LINGO2: variants seen among roughly 807,000 people sequenced by gnomAD.
The protein encoded by LINGO2 is leucine-rich repeat and immunoglobulin-like domain-containing nogo receptor-interacting protein 2.
A neutral mutation model predicts 30.6 loss-of-function variants in LINGO2; 14 were observed. The observed-to-expected ratio is 0.46, with a 90% confidence interval of 0.30 to 0.72. The LOEUF is 0.72. Among genes scored for constraint, LINGO2 ranks in the 30% least tolerant of loss-of-function variants. The pLI, the probability that LINGO2 is intolerant of heterozygous loss-of-function variation, is 0.07. For synonymous variants in LINGO2, 317 were observed against 288.5 expected (o/e 1.10, Z -1.00); for missense variants, 729 against 751.7 (o/e 0.97, Z 0.35).
chr9:28,531,821 A>T (rs1821247300), intron 1 of LINGO2, among the ~76,000 whole-genome samples: 1 of 152,144 alleles, frequency 6.6e-6, no homozygotes, highest in East Asian at 1.9e-4. Flanking sequence ...GGGTGAAAAA[A>T]AAAAGCTTTT....
the LINGO2 span, among the ~76,000 whole-genome samples, chr9:28,816,752 T>C: frequency 6.6e-6 from 1 of 152,148 alleles, no homozygotes; most frequent in African/African-American, 2.4e-5. Flanking sequence ...CCTTGTAAAA[T>C]GAACTAGATA....
chr9:28,529,498 A>G (rs780194547), intron 1 of LINGO2, among the ~76,000 whole-genome samples: 17 of 152,056 alleles, frequency 1.1e-4, no homozygotes, highest in Non-Finnish European at 1.0e-4. Context: ...CAGTACAGAG[A>G]TAAGGTAGAT....
the LINGO2 span, among the ~76,000 whole-genome samples, chr9:29,042,423 C>T: frequency 6.6e-6 from 1 of 151,934 alleles, no homozygotes; most frequent in East Asian, 1.9e-4. Flanking sequence ...TAATAATATC[C>T]CAAAAGTGAA....
At chr9:29,136,196 G>T in the LINGO2 span, among the ~76,000 whole-genome samples, 1 of 152,036 alleles carries the variant, frequency 6.6e-6, no homozygotes, top group East Asian at 1.9e-4. Context: ...GGGTAGACAG[G>T]CAGGCATGGC....
At chr9:28,902,568 T>C in the LINGO2 span, among the ~76,000 whole-genome samples, 1 of 152,126 alleles carries the variant, frequency 6.6e-6, no homozygotes, top group Non-Finnish European at 1.5e-5. Context: ...TTCTATCCAA[T>C]AGCAGCAGAA....
At chr9:28,262,815 T>G (rs1405564879) in intron 4 of LINGO2, among the ~76,000 whole-genome samples, 1 of 151,984 alleles carries the variant, frequency 6.6e-6, no homozygotes, top group Non-Finnish European at 1.5e-5. Context: ...AACACAAAAT[T>G]GAAGGCCATG....
intron 4 of LINGO2, among the ~76,000 whole-genome samples, chr9:28,145,682 C>G (rs530505708): frequency 1.4e-4 from 21 of 152,112 alleles, no homozygotes; most frequent in African/African-American, 5.1e-4. Context: ...CCTTCTCCCT[C>G]TCTCTCTCAT....
At chr9:28,279,068 A>G (rs1209991934) in intron 4 of LINGO2, among the ~76,000 whole-genome samples, 3 of 152,234 alleles carry the variant, frequency 2.0e-5, no homozygotes, top group Non-Finnish European at 4.4e-5. Context: ...AGGTAGAAAT[A>G]GCAAGAGAAT....
At chr9:28,555,996 C>G (rs1417498625) in intron 1 of LINGO2, among the ~76,000 whole-genome samples, 1 of 152,056 alleles carries the variant, frequency 6.6e-6, no homozygotes, top group African/African-American at 2.4e-5. Flanking sequence ...GGACATATTT[C>G]AAAATAATAT....
chr9:28,489,953 A>C (rs1826329937), intron 1 of LINGO2, among the ~76,000 whole-genome samples: 1 of 151,038 alleles, frequency 6.6e-6, no homozygotes. Flanking sequence ...GGTATGATTT[A>C]TGTAATAAGT....
chr9:28,029,341 C>T (rs184319430), intron 4 of LINGO2, among the ~76,000 whole-genome samples: 307 of 152,200 alleles, frequency 2.0e-3, no homozygotes, highest in Non-Finnish European at 3.5e-3. Context: ...TGTTCTGCTG[C>T]GTTTGATCTG....
At chr9:28,758,036 T>C in the LINGO2 span, among the ~76,000 whole-genome samples, 10 of 152,028 alleles carry the variant, frequency 6.6e-5, no homozygotes, top group Non-Finnish European at 1.3e-4. Flanking sequence ...TGTGTCTCCA[T>C]GGTTCTCCAT....
At position 28,487,870 on chromosome 9, in the gene LINGO2, A is replaced by T. The variant is rs150432976; in HGVS notation, c.-364-11845T>A. 8.6e-4 allele frequency among the ~76,000 whole-genome samples: 131 copies of T among 152,314 alleles called. 3 individuals carry two copies. The East Asian group carries it at 0.021, about 24-fold the overall frequency. On this transcript the variant is annotated intron_variant, in intron 1 of 5. Transcript: ENST00000379992. Reference sequence around the variant, plus strand: ...TAATTTGCCAAGATGCTCTCAGTCAACACAGGTTAGGTGTTTGATGAAGCT... The same window carrying T: ...TAATTTGCCAAGATGCTCTCAGTCATCACAGGTTAGGTGTTTGATGAAGCT...
chr9:28,040,907 T>C (rs1056500425), intron 4 of LINGO2, among the ~76,000 whole-genome samples: 1 of 152,182 alleles, frequency 6.6e-6, no homozygotes, highest in African/African-American at 2.4e-5. Context: ...CTAGATGCTA[T>C]AGAGGTAGAG....
At chr9:29,078,459 C>A in the LINGO2 span, among the ~76,000 whole-genome samples, 1 of 151,946 alleles carries the variant, frequency 6.6e-6, no homozygotes, top group Non-Finnish European at 1.5e-5. Flanking sequence ...TGCCAGCACA[C>A]AATTATTCTT....
At chr9:28,390,099 C>A (rs142345503) in intron 2 of LINGO2, among the ~76,000 whole-genome samples, 359 of 152,168 alleles carry the variant, frequency 2.4e-3, no homozygotes, top group African/African-American at 8.3e-3. Context: ...TTCTGTAATT[C>A]TTACAATGCT....
chr9:28,978,207 C>T, the LINGO2 span, among the ~76,000 whole-genome samples: 1 of 151,968 alleles, frequency 6.6e-6, no homozygotes, highest in Non-Finnish European at 1.5e-5. Flanking sequence ...ATTGGATGTA[C>T]TGGATTGTCA....
chr9:28,774,379 C>G, the LINGO2 span, among the ~76,000 whole-genome samples: 1 of 152,006 alleles, frequency 6.6e-6, no homozygotes, highest in South Asian at 2.1e-4. Flanking sequence ...TTTTTTTTGG[C>G]CATTGCCAAA....
intron 4 of LINGO2, among the ~76,000 whole-genome samples, chr9:28,085,105 T>C (rs188284400): frequency 1.3e-5 from 2 of 152,126 alleles, no homozygotes; most frequent in Non-Finnish European, 2.9e-5. Context: ...CTCAAAAAAC[T>C]TGCCTATGGT....
Sources: allele counts gnomAD v4.1 joint callset (sites outside exome capture counted in the v4.1 genomes callset), GRCh38; gene constraint gnomAD v4.1.1; transcripts MANE v1.5; gene names NCBI Gene and HGNC (gene_info 2026-07-23, HGNC 2026-07-21).